Variants in ZNF540 observed in about 807,000 individuals in gnomAD.
The protein encoded by ZNF540 is zinc finger protein 540.
A neutral mutation model predicts 11.8 loss-of-function variants in ZNF540; 3 were observed. The ratio of observed to expected loss-of-function variants is 0.25; its 90% CI spans 0.12 to 0.65. ZNF540 has a LOEUF of 0.65. Ranked by LOEUF, ZNF540 falls within the 30% of genes least tolerant of loss-of-function variation. The probability of loss-of-function intolerance (pLI) is 0.83; values close to 1 mark genes in which losing one functional copy is unlikely to be tolerated. For missense variants in ZNF540, 709 were observed against 793.1 expected (o/e 0.89, Z 1.27); for synonymous variants, 247 against 259.0 (o/e 0.95, Z 0.45).
intron 1 of ZNF540, among the ~76,000 whole-genome samples, chr19:37,561,554 A>G (rs1214794937): frequency 6.6e-6 from 1 of 152,240 alleles, no homozygotes; most frequent in Non-Finnish European, 1.5e-5. Context: ...TCTTTACTGC[A>G]GGTCTTCTCA....
chr19:37,592,156 G>T (rs1316167906), upstream of ZNF540, among the ~76,000 whole-genome samples: 2 of 152,082 alleles, frequency 1.3e-5, no homozygotes, highest in Non-Finnish European at 2.9e-5. Flanking sequence ...TACTCGGGAG[G>T]TTGAGGCAGA....
chr19:37,584,296 C>T, intron 1 of ZNF540: 2 of 601,338 alleles, frequency 3.3e-6, no homozygotes, highest in Non-Finnish European at 5.5e-6. Flanking sequence ...AGAACAATTC[C>T]ATTATCCAGA....
rs113304768 is a variant in ZNF540 at position 37,586,645 on chromosome 19, G to A, written c.-72-11731G>A. Reference sequence around the variant, plus strand: ...ACACAACAAAATGATTGTACTTCAAGAAGGAAAGAAACAGCAACTCACGTG... The same window carrying A: ...ACACAACAAAATGATTGTACTTCAAAAAGGAAAGAAACAGCAACTCACGTG... On this transcript the variant is annotated intron_variant, in intron 1 of 4. Coordinates refer to the ZNF540 transcript ENST00000592533. The A allele has an allele frequency of 8.6e-4, 1,388 of 1,613,658 alleles. 9 individuals carry two copies. In the African/African-American group the frequency reaches 0.017, roughly 20 times the overall value.
intron 1 of ZNF540, chr19:37,584,095 C>T (rs2043574032): frequency 6.2e-7 from 1 of 1,614,012 alleles, no homozygotes; most frequent in Admixed American, 1.7e-5. Flanking sequence ...AAGTCACCAA[C>T]AACTGAAACA....
intron 1 of ZNF540, among the ~76,000 whole-genome samples, chr19:37,582,890 C>T (rs1443547264): frequency 2.0e-5 from 3 of 152,216 alleles, no homozygotes; most frequent in African/African-American, 7.2e-5. Context: ...GTTCACATAG[C>T]ACTCAGTGAC....
intron 1 of ZNF540, among the ~76,000 whole-genome samples, chr19:37,573,005 CATG>C (rs2043118387): frequency 1.3e-5 from 2 of 152,166 alleles, no homozygotes; most frequent in Admixed American, 1.3e-4. Context: ...TCTTTCATCA[CATG>C]ATTGATTATA....
chr19:37,572,439 C>T (rs2043095387), intron 1 of ZNF540, among the ~76,000 whole-genome samples: 1 of 152,222 alleles, frequency 6.6e-6, no homozygotes, highest in Non-Finnish European at 1.5e-5. Flanking sequence ...AATCATCCCT[C>T]TGACCAGCAT....
At chr19:37,590,523 CATTTT>C (rs1409564726), upstream of ZNF540, among the ~76,000 whole-genome samples, 6 of 152,246 alleles carry the variant, frequency 3.9e-5, no homozygotes, top group Non-Finnish European at 8.8e-5. Context: ...TGCTACATTT[CATTTT>C]AATAAATGAA....
At chr19:37,567,556 T>C (rs1359809884) in intron 1 of ZNF540, 1 of 152,222 alleles carries the variant, frequency 6.6e-6, no homozygotes, top group African/African-American at 2.4e-5. Context: ...TTCAGAACAA[T>C]GCTCTAATCT....
At chr19:37,566,228 GATTCC>G in intron 1 of ZNF540, 1 of 1,613,662 alleles carries the variant, frequency 6.2e-7, no homozygotes, top group Admixed American at 1.7e-5. Context: ...CCACTGGAGT[GATTCC>G]ATTTCATAAA....
intron 1 of ZNF540, among the ~76,000 whole-genome samples, chr19:37,553,236 C>T (rs181899231): frequency 1.2e-4 from 17 of 141,844 alleles, no homozygotes; most frequent in South Asian, 4.6e-4. Flanking sequence ...TGGGTTCAAG[C>T]GATTCTCCTG....
Position 37,613,918 on chromosome 19 carries a change from G to A in ZNF540, c.*655G>A. On this transcript the variant is annotated 3_prime_UTR_variant, in exon 5 of 5. Transcript: ENST00000316433. ...TGGAGCCTTCATGAGTGGAATTACT[G>A]CCTTTATAAGAAGAAGCCAAAGAGC... 1 of 398,488 alleles carries A rather than the reference G, an allele frequency of 2.5e-6. No homozygotes were observed. Among genetic ancestry groups the A allele is most frequent in the East Asian group, 3.6e-5 (1 of 28,054 alleles). 24.7% of individuals were successfully genotyped at this position (398,488 alleles called of 1,614,324 possible).
At chr19:37,594,737 T>A (rs2043968596), upstream of ZNF540, 1 of 152,088 alleles carries the variant, frequency 6.6e-6, no homozygotes, top group Non-Finnish European at 1.5e-5. Flanking sequence ...GGCCGCCCAC[T>A]CACCTGGCCG....
chr19:37,611,550 A>T lies in ZNF540; in HGVS notation c.270A>T (p.Ser90=), dbSNP rs758156142. Residue 90 remains serine (S), a synonymous_variant, in exon 5 of 5, where the codon TCA becomes TCT. Coordinates refer to ENST00000316433, the MANE Select transcript of ZNF540 (RefSeq NM_001172225.3). The part of the protein sequence containing the change: ...LSRHKTKKLS[S]EKDIHEISLS... The stretch of plus-strand genomic sequence containing the variant: ...GGCATAAGACCAAGAAATTATCTTC[A>T]GAAAAGGACATTCATGAAATCAGTT... 1 of 1,603,572 alleles carries T rather than the reference A, an allele frequency of 6.2e-7. No homozygotes were observed. The highest frequency in any genetic ancestry group is 8.5e-7 in the Non-Finnish European group (1 of 1,175,928).
intron 1 of ZNF540, 70 bp downstream of exon 1, chr19:37,595,165 A>T (rs916469778): frequency 6.6e-6 from 1 of 152,180 alleles, no homozygotes. Context: ...TTGCTGCTCA[A>T]CGGGGTTCGG....
intron 1 of ZNF540, among the ~76,000 whole-genome samples, chr19:37,568,583 TG>T (rs995912842): frequency 3.9e-5 from 6 of 152,118 alleles, no homozygotes; most frequent in African/African-American, 1.2e-4. Flanking sequence ...AATATGATTC[TG>T]GGGTAGGAGG....
intron 2 of ZNF540, among the ~76,000 whole-genome samples, chr19:37,599,178 C>A (rs901972347): frequency 1.1e-4 from 16 of 151,088 alleles, no homozygotes; most frequent in Non-Finnish European, 1.5e-4. Context: ...ATCGATTGAT[C>A]GATAGATAGA....
intron 1 of ZNF540, among the ~76,000 whole-genome samples, chr19:37,552,154 G>A (rs919490305): frequency 6.6e-6 from 1 of 152,066 alleles, no homozygotes; most frequent in African/African-American, 2.4e-5. Context: ...TTGTCCCATA[G>A]TTTACTTAAA....
At chr19:37,592,475 C>G (rs1282114654), upstream of ZNF540, among the ~76,000 whole-genome samples, 1 of 152,114 alleles carries the variant, frequency 6.6e-6, no homozygotes, top group Non-Finnish European at 1.5e-5. Context: ...CATTGTAATA[C>G]CTATGAGTTT....
Sources: gnomAD v4.1 joint callset for allele counts (sites outside exome capture counted in the v4.1 genomes callset) on GRCh38, gnomAD v4.1.1 for gene constraint, MANE v1.5 for transcripts, NCBI Gene and HGNC (gene_info 2026-07-23, HGNC 2026-07-21) for gene names.